Variants in PLD5 observed in about 807,000 individuals in gnomAD.
PLD5 encodes the protein phospholipase D family member 5, also known as inactive phospholipase D5.
Under a neutral mutation model 61.1 loss-of-function variants are expected in PLD5, and 36 were observed. That is an observed-to-expected ratio of 0.59 (90% CI 0.45 to 0.78). The LOEUF is 0.78. Among genes scored for constraint, PLD5 ranks in the 30% least tolerant of loss-of-function variants. The probability of loss-of-function intolerance (pLI) is 0.00; values close to 1 mark genes in which losing one functional copy is unlikely to be tolerated. For synonymous variants in PLD5, 243 were observed against 242.8 expected, an observed-to-expected ratio of 1.00 and a Z score of -0.01; for missense variants, 515 against 644.4, an observed-to-expected ratio of 0.80 and a Z score of 2.17.
chr1:242,452,274 T>C (rs1456968586), intron 1 of PLD5, among the ~76,000 whole-genome samples: 2 of 152,184 alleles, frequency 1.3e-5, no homozygotes, highest in African/African-American at 4.8e-5. Flanking sequence ...GAAGGATTTC[T>C]GAATAATCAT....
In PLD5 at chr1:242,516,670, T is replaced by C. The variant is rs530133730; in HGVS notation, c.189+7418A>G. Among the ~76,000 whole-genome samples the C allele has an allele frequency of 9.4e-4, 143 of 152,322 alleles. 2 individuals carry two copies. The South Asian group carries it at 0.016, about 17-fold the overall frequency. On this transcript the variant is annotated intron_variant, in intron 1 of 9. Coordinates refer to ENST00000536534, the MANE Select transcript of PLD5 (RefSeq NM_001372062.1). The stretch of plus-strand genomic sequence containing the variant: ...GTCTGTTTCTGCACTGTCTAGTTTG[T>C]CAGTTGATCCATTTGTTTATCCTTG...
chr1:242,168,686 G>C (rs1441173544), intron 5 of PLD5, among the ~76,000 whole-genome samples: 2 of 152,152 alleles, frequency 1.3e-5, no homozygotes, highest in East Asian at 1.9e-4. Context: ...ACAACAATCC[G>C]CTGCAAAACA....
intron 5 of PLD5, among the ~76,000 whole-genome samples, chr1:242,129,614 T>A (rs1038131129): frequency 3.9e-5 from 6 of 152,238 alleles, no homozygotes; most frequent in Non-Finnish European, 8.8e-5. Flanking sequence ...GAAAAGAAGC[T>A]GAAGGTCTGA....
chr1:242,436,865 T>A (rs891185941), intron 1 of PLD5, among the ~76,000 whole-genome samples: 1 of 152,230 alleles, frequency 6.6e-6, no homozygotes, highest in African/African-American at 2.4e-5. Context: ...CATTTAATAT[T>A]TATTCTAAGA....
chr1:242,447,755 T>G (rs1177824323), intron 1 of PLD5, among the ~76,000 whole-genome samples: 1 of 152,202 alleles, frequency 6.6e-6, no homozygotes, highest in Non-Finnish European at 1.5e-5. Context: ...GTCTGTACAC[T>G]TTCATCAGAT....
At chr1:242,239,267 G>A (rs1282736899) in intron 4 of PLD5, among the ~76,000 whole-genome samples, 1 of 150,346 alleles carries the variant, frequency 6.7e-6, no homozygotes, top group Admixed American at 6.7e-5. Context: ...TTGTCCCATA[G>A]TCTCTGCATG....
intron 3 of PLD5, among the ~76,000 whole-genome samples, chr1:242,284,954 T>G (rs1574665920): frequency 6.6e-6 from 1 of 152,160 alleles, no homozygotes; most frequent in African/African-American, 2.4e-5. Flanking sequence ...AACCAGCTGG[T>G]TTTACATTGT....
chr1:242,259,328 A>G (rs1213382305), intron 4 of PLD5, among the ~76,000 whole-genome samples: 2 of 127,470 alleles, frequency 1.6e-5, no homozygotes, highest in Non-Finnish European at 3.7e-5. Flanking sequence ...CTCTCTCTCA[A>G]AAAAAATAAA....
intron 4 of PLD5, among the ~76,000 whole-genome samples, chr1:242,247,678 T>G (rs1244323886): frequency 4.6e-5 from 7 of 152,216 alleles, no homozygotes; most frequent in Non-Finnish European, 1.0e-4. Flanking sequence ...TCAGGTTTTT[T>G]GGGGGTCCCC....
At position 242,254,592 on chromosome 1, in the gene PLD5, A is replaced by C. The variant is rs148973137; in HGVS notation, c.607+10745T>G. ...GGCTGAGGCAGAAGAATCGCTTGAA[A>C]CTGGGAGGTGGAGGTTGCAGTGAGC... On this transcript the variant is annotated intron_variant, in intron 4 of 9. Transcript: ENST00000536534. Among the ~76,000 whole-genome samples, 1,148 of 152,094 alleles carry C rather than the reference A, an allele frequency of 7.5e-3. 22 individuals carry two copies. The highest frequency in any genetic ancestry group is 0.026 in the African/African-American group (1,060 of 41,482).
chr1:242,102,915 G>A (rs796401233), intron 8 of PLD5, among the ~76,000 whole-genome samples: 1 of 152,160 alleles, frequency 6.6e-6, no homozygotes, highest in African/African-American at 2.4e-5. Context: ...GTACTGTAAA[G>A]GTTGCAATGA....
At chr1:242,163,918 T>C (rs2148855101) in intron 5 of PLD5, among the ~76,000 whole-genome samples, 1 of 133,492 alleles carries the variant, frequency 7.5e-6, no homozygotes, top group African/African-American at 2.8e-5. Flanking sequence ...AAAATGTGTG[T>C]GTGTGTATAT....
Position 242,459,702 on chromosome 1 carries a change from G to A in PLD5, c.189+64386C>T, listed in dbSNP as rs138413201. Among the ~76,000 whole-genome samples, 339 of 152,284 alleles carry A rather than the reference G, an allele frequency of 2.2e-3. 2 individuals are homozygous for A. Among genetic ancestry groups the A allele is most frequent in the African/African-American group, 7.7e-3 (321 of 41,556 alleles). Reference sequence around the variant, plus strand: ...TGGACTGCCAGAACGAGCCAACAGCGCGTGATGTGCTTCCCCCTACAGAGA... The same window carrying A: ...TGGACTGCCAGAACGAGCCAACAGCACGTGATGTGCTTCCCCCTACAGAGA... On this transcript the variant is annotated intron_variant, in intron 1 of 9. Transcript: ENST00000536534.
At chr1:242,502,281 G>A (rs182367217) in intron 1 of PLD5, among the ~76,000 whole-genome samples, 7 of 152,234 alleles carry the variant, frequency 4.6e-5, no homozygotes, top group South Asian at 2.1e-4. Flanking sequence ...GATGGCCACC[G>A]TCTAGGAGCT....
At chr1:242,465,089 C>T (rs1667234512) in intron 1 of PLD5, among the ~76,000 whole-genome samples, 1 of 151,868 alleles carries the variant, frequency 6.6e-6, no homozygotes, top group Non-Finnish European at 1.5e-5. Flanking sequence ...ATCACATCAT[C>T]GCGAACATAC....
chr1:242,093,821 G>A (rs1016226563), intron 9 of PLD5, among the ~76,000 whole-genome samples: 4 of 151,938 alleles, frequency 2.6e-5, no homozygotes, highest in African/African-American at 9.7e-5. Context: ...AGCCTGGGGT[G>A]GGGGGAAAAT....
chr1:242,522,717 C>T (rs1669318216), intron 1 of PLD5, among the ~76,000 whole-genome samples: 1 of 152,192 alleles, frequency 6.6e-6, no homozygotes. Flanking sequence ...ATAACACCAC[C>T]AGCCCCTTCA....
chr1:242,427,217 A>C lies in PLD5; in HGVS notation c.190-78975T>G, dbSNP rs546123467. Among the ~76,000 whole-genome samples, 4 of 152,340 alleles carry C rather than the reference A, an allele frequency of 2.6e-5. No homozygotes were observed. The East Asian group carries it at 7.7e-4, about 29-fold the overall frequency. ...ATTAGGAATTAGAATTGTTATTATC[A>C]GTATATTATGTCATTCATTTGGGGG... On this transcript the variant is annotated intron_variant, in intron 1 of 9. Transcript: ENST00000536534.
intron 2 of PLD5, among the ~76,000 whole-genome samples, chr1:242,301,510 T>C (rs9970109): frequency 0.96 from 145,639 of 151,734 alleles, 70,045 homozygotes; most frequent in Middle Eastern, 0.99. Flanking sequence ...CAAAAGTGTC[T>C]TCCTCCCCTC....
Sources: allele counts gnomAD v4.1 joint callset (sites outside exome capture counted in the v4.1 genomes callset), GRCh38; gene constraint gnomAD v4.1.1; transcripts MANE v1.5; gene names NCBI Gene and HGNC (gene_info 2026-07-23, HGNC 2026-07-21).